Variants in SLC7A14 observed in about 807,000 individuals in gnomAD.
SLC7A14 encodes the protein gamma-aminobutyric acid transporter SLC7A14.
A neutral mutation model predicts 60.2 loss-of-function variants in SLC7A14; 37 were observed. That is an observed-to-expected ratio of 0.61 (90% CI 0.47 to 0.81). The LOEUF (loss-of-function observed/expected upper bound fraction) is 0.81, where lower values mean the gene tolerates loss of function less well. SLC7A14 is among the 30% of genes least tolerant of loss of function. The pLI, the probability that SLC7A14 is intolerant of heterozygous loss-of-function variation, is 0.00. For missense variants in SLC7A14, 886 were observed against 982.7 expected, an observed-to-expected ratio of 0.90 and a Z score of 1.32; for synonymous variants, 399 against 395.8, an observed-to-expected ratio of 1.01 and a Z score of -0.10.
At chr3:170,474,333 C>G (rs1413496273) in intron 7 of SLC7A14, among the ~76,000 whole-genome samples, 1 of 152,236 alleles carries the variant, frequency 6.6e-6, no homozygotes, top group Non-Finnish European at 1.5e-5. Context: ...GAGCCAGTGT[C>G]TCAGCTGCCA....
chr3:170,499,018 C>A, intron 3 of SLC7A14, 134 bp from the exon 4 acceptor site: 1 of 734,986 alleles, frequency 1.4e-6, no homozygotes, highest in Non-Finnish European at 2.2e-6. Context: ...AGGCAGATCA[C>A]GAGGTCAGGA....
At chr3:170,534,040 C>A (rs541149283) in intron 1 of SLC7A14, among the ~76,000 whole-genome samples, 1 of 152,310 alleles carries the variant, frequency 6.6e-6, no homozygotes, top group African/African-American at 2.4e-5. Flanking sequence ...GCTTCCTTTT[C>A]AAAGCTTGTT....
chr3:170,484,523 G>C (rs1435186950), intron 5 of SLC7A14, among the ~76,000 whole-genome samples: 1 of 152,196 alleles, frequency 6.6e-6, no homozygotes, highest in Non-Finnish European at 1.5e-5. Context: ...GGCCAGATAT[G>C]GGGGGCCCCC....
intron 2 of SLC7A14, among the ~76,000 whole-genome samples, chr3:170,512,826 G>A: frequency 6.6e-6 from 1 of 151,684 alleles, no homozygotes; most frequent in Admixed American, 6.6e-5. Context: ...ACTACGCCCG[G>A]CTAATTTTTT....
chr3:170,510,995 G>T lies in SLC7A14; in HGVS notation c.305-9650C>A, dbSNP rs187398243. On this transcript the variant is annotated intron_variant, in intron 2 of 7. Coordinates refer to ENST00000231706, the MANE Select transcript of SLC7A14 (RefSeq NM_020949.3). ...ATTTTAGGAGAGGGAGTGAGGTGTC[G>T]TAGAATTCACACAGCCTCTGGAGAG... 2.4e-3 allele frequency among the ~76,000 whole-genome samples: 361 copies of T among 152,292 alleles called. 1 individual carries two copies. The highest frequency in any genetic ancestry group is 4.4e-3 in the Admixed American group (67 of 15,296).
At chr3:170,547,884 TA>T (rs1266666120) in intron 1 of SLC7A14, among the ~76,000 whole-genome samples, 10 of 152,206 alleles carry the variant, frequency 6.6e-5, no homozygotes, top group Non-Finnish European at 1.0e-4. Context: ...CTATTCTCAT[TA>T]TTTTTTTCTC....
chr3:170,510,766 T>C (rs16855193), intron 2 of SLC7A14, among the ~76,000 whole-genome samples: 1,957 of 152,322 alleles, frequency 0.013, 41 homozygotes, highest in African/African-American at 0.045. Flanking sequence ...CTGTCCTTTT[T>C]TCTGCTCCTA....
intron 1 of SLC7A14, among the ~76,000 whole-genome samples, chr3:170,534,653 A>G (rs577662058): frequency 6.6e-6 from 1 of 152,310 alleles, no homozygotes; most frequent in Admixed American, 6.5e-5. Flanking sequence ...CATTTCCACA[A>G]TTAATTCTTT....
chr3:170,522,892 G>T (rs554701877), intron 2 of SLC7A14, among the ~76,000 whole-genome samples: 1 of 152,296 alleles, frequency 6.6e-6, no homozygotes, highest in African/African-American at 2.4e-5. Flanking sequence ...GTTGAGAGTT[G>T]TTGACATTAT....
intron 7 of SLC7A14, among the ~76,000 whole-genome samples, chr3:170,472,077 T>C (rs1739925090): frequency 6.6e-6 from 1 of 151,942 alleles, no homozygotes; most frequent in Non-Finnish European, 1.5e-5. Context: ...CAGAAGTGTT[T>C]CAATATTCTG....
intron 6 of SLC7A14, among the ~76,000 whole-genome samples, chr3:170,482,884 C>T (rs1032389138): frequency 6.6e-6 from 1 of 151,414 alleles, no homozygotes; most frequent in African/African-American, 2.4e-5. Context: ...TTCAGAGGGT[C>T]TTATCTACTC....
chr3:170,558,025 T>A (rs1458900346), intron 1 of SLC7A14, among the ~76,000 whole-genome samples: 1 of 152,142 alleles, frequency 6.6e-6, no homozygotes, highest in Non-Finnish European at 1.5e-5. Context: ...GTCTGTCTGG[T>A]ATACAGAGAT....
chr3:170,487,706 T>A (rs1259530935), intron 4 of SLC7A14, among the ~76,000 whole-genome samples: 1 of 152,254 alleles, frequency 6.6e-6, no homozygotes, highest in Non-Finnish European at 1.5e-5. Flanking sequence ...TGGTGTTTCC[T>A]ACCGTTTCTC....
rs539902146 is a variant in SLC7A14 at position 170,546,459 on chromosome 3, A to T, written c.-152-19371T>A. Among the ~76,000 whole-genome samples the T allele has an allele frequency of 3.9e-5, 6 of 152,306 alleles. No individual in the cohort carries two copies. In the South Asian group the frequency reaches 1.2e-3, roughly 32 times the overall value. On this transcript the variant is annotated intron_variant, in intron 1 of 7. Coordinates refer to ENST00000231706, the MANE Select transcript of SLC7A14 (RefSeq NM_020949.3). ...AAGCCAACCTGCTGGTACTTAAACT[A>T]TCCAGAACCTTGATATAGTGTTTCC...
At chr3:170,549,555 C>A (rs1286801458) in intron 1 of SLC7A14, among the ~76,000 whole-genome samples, 1 of 152,178 alleles carries the variant, frequency 6.6e-6, no homozygotes, top group Non-Finnish European at 1.5e-5. Context: ...ATCCAGGCTG[C>A]TCCTCTATAG....
chr3:170,576,452 C>G (rs936093246), intron 1 of SLC7A14, among the ~76,000 whole-genome samples: 1 of 152,232 alleles, frequency 6.6e-6, no homozygotes, highest in African/African-American at 2.4e-5. Context: ...TTTGCCCCTG[C>G]AGAGGTTGGA....
chr3:170,518,228 T>G (rs745443377), intron 2 of SLC7A14, among the ~76,000 whole-genome samples: 4 of 152,050 alleles, frequency 2.6e-5, no homozygotes, highest in Non-Finnish European at 5.9e-5. Context: ...CACGCAAAGA[T>G]GAGATCTAGA....
At position 170,585,353 on chromosome 3, in the gene SLC7A14, C is replaced by T. The variant is rs573407094; in HGVS notation, c.-153+558G>A. Among the ~76,000 whole-genome samples the T allele has an allele frequency of 6.6e-6, 1 of 152,290 alleles. No homozygotes were observed. The highest frequency in any genetic ancestry group is 2.4e-5 in the African/African-American group (1 of 41,582). On this transcript the variant is annotated intron_variant, in intron 1 of 7. Coordinates refer to ENST00000231706, the MANE Select transcript of SLC7A14 (RefSeq NM_020949.3). This position sits in a 1 kb window ranked among gnomAD's most constrained non-coding sequence, Gnocchi z 5.1. ...CCACCATCCTGGTCGGGGTGCTGGGCTCGGCGGGAGTCCCTTTGAGGAGTT... is the reference window on the plus strand; with the variant it reads ...CCACCATCCTGGTCGGGGTGCTGGGTTCGGCGGGAGTCCCTTTGAGGAGTT...
intron 2 of SLC7A14, among the ~76,000 whole-genome samples, chr3:170,519,370 C>A (rs902559384): frequency 2.6e-5 from 4 of 152,198 alleles, no homozygotes; most frequent in Admixed American, 6.5e-5. Flanking sequence ...TGGCAATATA[C>A]CCATTTAGAG....
Sources: allele counts gnomAD v4.1 joint callset (sites outside exome capture counted in the v4.1 genomes callset), GRCh38; gene constraint gnomAD v4.1.1; non-coding constraint Gnocchi (gnomAD v3.1); transcripts MANE v1.5; gene names NCBI Gene and HGNC (gene_info 2026-07-23, HGNC 2026-07-21).